Variants in EPHB4 observed in about 807,000 individuals in gnomAD.
The protein encoded by EPHB4 is EPH receptor B4.
EPHB4 carries 50 observed loss-of-function variants against 110.6 expected under a neutral mutation model. The observed-to-expected ratio is 0.45, with a 90% CI of 0.36 to 0.57. The LOEUF is 0.57. Among genes scored for constraint, EPHB4 ranks in the 20% least tolerant of loss-of-function variants. The pLI is 0.00. For missense variants in EPHB4, 1,128 were observed against 1,382.1 expected, an observed-to-expected ratio of 0.82 and a Z score of 2.91; for synonymous variants, 592 against 578.4, an observed-to-expected ratio of 1.02 and a Z score of -0.34.
chr7:100,812,984 G>A lies in EPHB4; in HGVS notation c.1881C>T (p.Gly627=), dbSNP rs776907824. 5.0e-6 allele frequency: 8 copies of A among 1,613,470 alleles called. No individual in the cohort carries two copies. Among genetic ancestry groups the A allele is most frequent in the East Asian group, 2.2e-5 (1 of 44,866 alleles). The change falls in exon 12 of 17, where the codon GGC becomes GGT. Residue 627 remains glycine (G), a synonymous_variant. Coordinates refer to ENST00000358173, the MANE Select transcript of EPHB4 (RefSeq NM_004444.5). ...CCTTGAGCCGCCCCCGGCACACCTCGCCAAACTCACCTTCAAACAAGGACG... is the reference window on the plus strand; with the variant it reads ...CCTTGAGCCGCCCCCGGCACACCTCACCAAACTCACCTTCAAACAAGGACG... ...IEEVIGAGEF[G]EVCRGRLKAP...
In EPHB4 at chr7:100,813,674, G is replaced by A. The variant is rs781138617; in HGVS notation, c.1734C>T (p.His578=). 1.5e-5 allele frequency: 24 copies of A among 1,614,040 alleles called. No individual in the cohort carries two copies. The highest frequency in any genetic ancestry group is 1.9e-5 in the Non-Finnish European group (22 of 1,180,018). Residue 578 remains histidine (H), a synonymous_variant, in exon 10 of 17, where the codon CAC becomes CAT. Coordinates refer to ENST00000358173, the MANE Select transcript of EPHB4 (RefSeq NM_004444.5). ...NGREAEYSDK[H]GQYLIGHGTK... is the part of the protein sequence containing the mutation. ...CACCATGTCCGATGAGATACTGTCC[G>A]TGTTTGTCCGAATATTCTGCTTCTC... is the stretch of plus-strand genomic sequence containing the variant.
Position 100,819,863 on chromosome 7 carries a change from C to T in EPHB4, c.991G>A (p.Val331Ile). The T allele has an allele frequency of 6.5e-7, 1 of 1,549,470 alleles. No individual in the cohort carries two copies. The highest frequency in any genetic ancestry group is 8.7e-7 in the Non-Finnish European group (1 of 1,145,984). The change falls in exon 6 of 17, where the codon GTT becomes ATT. Residue 331 changes from valine to isoleucine, a missense_variant. Physicochemically the swap from Val to Ile is conservative, Grantham distance 29. This residue lies in a region of EPHB4 where 728 missense variants were observed against 828.6 expected (regional missense o/e 0.88). Coordinates refer to ENST00000358173, the MANE Select transcript of EPHB4 (RefSeq NM_004444.5). Reference protein sequence around the residue: ...TTPPSAPRSVVSRLNGSSLHL... With the variant: ...TTPPSAPRSVISRLNGSSLHL... ...AGGGAGGAGCCGTTCAGGCGGGAAA[C>T]CACGCTCCGCGGAGCCGAAGGAGGG... is the stretch of plus-strand genomic sequence containing the variant.
chr7:100,805,088 A>T, intron 16 of EPHB4, 78 bp downstream of exon 16: 1 of 1,516,866 alleles, frequency 6.6e-7, no homozygotes, highest in Non-Finnish European at 8.9e-7. Context: ...CTGACCCCAA[A>T]AGCCCCTGGA....
intron 10 of EPHB4, 80 bp from the exon 11 acceptor site, chr7:100,813,288 C>A: frequency 2.0e-6 from 2 of 1,008,048 alleles, no homozygotes; most frequent in Non-Finnish European, 2.9e-6. Context: ...CTTTTAGCCC[C>A]AAACCCCTGT....
At chr7:100,826,926 G>C (rs867337257) in intron 1 of EPHB4, 53 bp downstream of exon 1, 14 of 1,535,578 alleles carry the variant, frequency 9.1e-6, no homozygotes, top group African/African-American at 2.8e-5. Context: ...CCAGATGTTG[G>C]GGGGGAGGTC....
At position 100,824,276 on chromosome 7, in the gene EPHB4, G is replaced by GAGAC. The variant is rs780932165; in HGVS notation, c.53-7_53-4dup. On this transcript the variant is annotated splice_region_variant and splice_polypyrimidine_tract_variant and intron_variant, in intron 1 of 16. Transcript: ENST00000358173. ...CAATTTTGTGTTCAGCAGGGTCTCTGAGACAGACAGAGAGACAGAGTCAGT... is the reference window on the plus strand; with the variant it reads ...CAATTTTGTGTTCAGCAGGGTCTCTGAGACAGACAGACAGAGAGACAGAGTCAGT... 1 of 1,614,024 alleles carries GAGAC rather than the reference G, an allele frequency of 6.2e-7. No homozygotes were observed. Among genetic ancestry groups the GAGAC allele is most frequent in the South Asian group, 1.1e-5 (1 of 91,084 alleles).
intron 12 of EPHB4, among the ~76,000 whole-genome samples, chr7:100,809,618 A>G (rs1812887009): frequency 6.6e-6 from 1 of 152,022 alleles, no homozygotes; most frequent in African/African-American, 2.4e-5. Flanking sequence ...GGCTTAAGTG[A>G]TCCTCCCGCC....
chr7:100,819,461 G>A (rs552595463), intron 6 of EPHB4, 96 bp downstream of exon 6: 29 of 1,395,112 alleles, frequency 2.1e-5, no homozygotes, highest in Non-Finnish European at 2.4e-5. Context: ...TCACACTTCC[G>A]GGGTACCCAA....
chr7:100,819,940 G>T, intron 5 of EPHB4, 51 bp from the exon 6 acceptor site: 1 of 1,505,092 alleles, frequency 6.6e-7, no homozygotes, highest in Non-Finnish European at 8.9e-7. Context: ...TGCGGTGGTG[G>T]GGAGAGGGCA....
Position 100,818,658 on chromosome 7 carries a change from A to T in EPHB4, c.1298-14T>A. On this transcript the variant is annotated splice_polypyrimidine_tract_variant and intron_variant, in intron 6 of 16. Transcript: ENST00000358173. ...CTGCAGGAGGTACTGTGAGAGGCAG[A>T]GACACAGGGAACCCTTGTGCATGGT... 6.2e-7 allele frequency: 1 copy of T among 1,604,944 alleles called. No individual in the cohort carries two copies.
rs529205327 is a variant in EPHB4, at chr7:100,810,685, A to G, written c.2118+2062T>C. 2.6e-5 allele frequency among the ~76,000 whole-genome samples: 4 copies of G among 152,150 alleles called. No homozygotes were observed. In the East Asian group the frequency reaches 7.8e-4, roughly 30 times the overall value. On this transcript the variant is annotated intron_variant, in intron 12 of 16. Transcript: ENST00000358173. ...CTGAGCCAAGGAGTTTGGAGGCTGC[A>G]GTGAGCTATGATTGCACCACTGCAC... is the stretch of plus-strand genomic sequence containing the variant.
chr7:100,814,244 G>A (rs1813013991), intron 8 of EPHB4, among the ~76,000 whole-genome samples: 1 of 152,210 alleles, frequency 6.6e-6, no homozygotes, highest in African/African-American at 2.4e-5. Flanking sequence ...GGGCAAGGGA[G>A]GAAGTTTCGA....
Position 100,824,269 on chromosome 7 carries a change from G to T in EPHB4, c.57C>A (p.Thr19=), listed in dbSNP as rs966929611. The change falls in exon 2 of 17, where the codon ACC becomes ACA. Residue 19 remains threonine, a synonymous_variant. Coordinates refer to ENST00000358173, the MANE Select transcript of EPHB4 (RefSeq NM_004444.5). The part of the protein sequence containing the change: ...WASLAAALEE[T]LLNTKLETAD... ...CAGTTTCCAATTTTGTGTTCAGCAG[G>T]GTCTCTGAGACAGACAGAGAGACAG... 1 of 1,614,080 alleles carries T rather than the reference G, an allele frequency of 6.2e-7. No homozygotes were observed. The highest frequency in any genetic ancestry group is 1.7e-5 in the Admixed American group (1 of 60,014).
At position 100,817,196 on chromosome 7, in the gene EPHB4, C is replaced by T; in HGVS notation, c.1584G>A (p.Leu528=). Residue 528 remains leucine, a synonymous_variant, in exon 8 of 17, where the codon CTG becomes CTA. Transcript: ENST00000358173. The stretch of plus-strand genomic sequence containing the variant: ...CACCCCCTTCCCCAGGCTCACCATC[C>T]AGTTGGGTCTGGCTGTGATGTTCCT... ...FGQEHHSQTQ[L]DESEGWREQL... 1 of 1,550,128 alleles carries T rather than the reference C, an allele frequency of 6.5e-7. No homozygotes were observed. The highest frequency in any genetic ancestry group is 8.7e-7 in the Non-Finnish European group (1 of 1,149,310).
chr7:100,814,196 C>G (rs1813012916), intron 8 of EPHB4, 175 bp from the exon 9 acceptor site: 9 of 622,164 alleles, frequency 1.4e-5, no homozygotes, highest in Non-Finnish European at 2.4e-5. Context: ...GTTTCAAACT[C>G]TCCCCCAGGG....
rs377404085 is a variant in EPHB4, at chr7:100,824,285, A to G, written c.53-12T>C. ...GTTCAGCAGGGTCTCTGAGACAGACAGAGAGACAGAGTCAGTGCCTGGGGT... is the reference window on the plus strand; with the variant it reads ...GTTCAGCAGGGTCTCTGAGACAGACGGAGAGACAGAGTCAGTGCCTGGGGT... On this transcript the variant is annotated splice_polypyrimidine_tract_variant and intron_variant, in intron 1 of 16. Coordinates refer to ENST00000358173, the MANE Select transcript of EPHB4 (RefSeq NM_004444.5). 3.3e-5 allele frequency: 53 copies of G among 1,613,614 alleles called. No individual in the cohort carries two copies. The highest frequency in any genetic ancestry group is 4.2e-5 in the Non-Finnish European group (50 of 1,179,798).
intron 12 of EPHB4, among the ~76,000 whole-genome samples, chr7:100,807,915 T>A (rs1216152073): frequency 6.6e-6 from 1 of 152,076 alleles, no homozygotes. Flanking sequence ...AGATGTTGAG[T>A]CACCGTACCC....
At chr7:100,815,713 G>C (rs754416905) in intron 8 of EPHB4, among the ~76,000 whole-genome samples, 2 of 152,002 alleles carry the variant, frequency 1.3e-5, no homozygotes, top group Non-Finnish European at 2.9e-5. Flanking sequence ...AATGCTGGGT[G>C]TGGCGGCTCA....
Position 100,822,395 on chromosome 7 carries a change from G to T in EPHB4, c.684C>A (p.Val228=). Residue 228 remains valine, a synonymous_variant, in exon 4 of 17, where the codon GTC becomes GTA. Coordinates refer to ENST00000358173, the MANE Select transcript of EPHB4 (RefSeq NM_004444.5). The surrounding 1 kb of genome is among the most constrained non-coding windows in gnomAD (Gnocchi z 4.7). The part of the protein sequence containing the change: ...PVAGSCVVDA[V]PAPGPSPSLY... Reference sequence around the variant, plus strand: ...GGCTGGGGCTGGGGCCAGGGGCGGGGACGGCATCCACCACGCAGCTACCGG... The same window carrying T: ...GGCTGGGGCTGGGGCCAGGGGCGGGTACGGCATCCACCACGCAGCTACCGG... 6.3e-7 allele frequency: 1 copy of T among 1,576,846 alleles called. No homozygotes were observed. The highest frequency in any genetic ancestry group is 1.8e-5 in the Admixed American group (1 of 54,238).
Sources: gnomAD v4.1 joint callset for allele counts (sites outside exome capture counted in the v4.1 genomes callset) on GRCh38, gnomAD v4.1.1 for gene constraint, gnomAD v4.1.1 regional missense constraint, Gnocchi (gnomAD v3.1) non-coding constraint, MANE v1.5 for transcripts, NCBI Gene and HGNC (gene_info 2026-07-23, HGNC 2026-07-21) for gene names.